Variants in LRP2 observed in about 807,000 individuals in gnomAD.
The protein encoded by LRP2 is low-density lipoprotein receptor-related protein 2.
LRP2 carries 172 observed loss-of-function variants against 531.0 expected under a neutral mutation model. The observed-to-expected ratio is 0.32, with a 90% CI of 0.29 to 0.37. The LOEUF is 0.37. Ranked by LOEUF, LRP2 falls within the 10% of genes least tolerant of loss-of-function variation. The probability of loss-of-function intolerance (pLI) is 1.00; values close to 1 mark genes in which losing one functional copy is unlikely to be tolerated. For synonymous variants in LRP2, 1,992 were observed against 2,027.6 expected (o/e 0.98, Z 0.47); for missense variants, 5,167 against 5,868.3 (o/e 0.88, Z 3.90).
intron 3 of LRP2, among the ~76,000 whole-genome samples, chr2:169,315,212 A>G (rs1684727050): frequency 6.6e-6 from 1 of 152,260 alleles, no homozygotes; most frequent in African/African-American, 2.4e-5. Flanking sequence ...ACCACACAGT[A>G]TAGCAATATG....
chr2:169,348,394 C>T (rs868207955), intron 1 of LRP2, among the ~76,000 whole-genome samples: 2 of 152,088 alleles, frequency 1.3e-5, no homozygotes, highest in Admixed American at 6.6e-5. Flanking sequence ...TTCGTCTGTG[C>T]CCATTTTTCC....
At chr2:169,357,355 A>G (rs899213894) in intron 1 of LRP2, among the ~76,000 whole-genome samples, 2 of 131,988 alleles carry the variant, frequency 1.5e-5, no homozygotes, top group African/African-American at 5.7e-5. Context: ...TTTTTGAGAC[A>G]GATTCTTGCT....
In LRP2 at chr2:169,279,448, C is replaced by A. The variant is rs1330376662; in HGVS notation, c.1489G>T (p.Asp497Tyr). The part of the protein sequence containing the change: ...KVNRIDMVNL[D>Y]GSYRVTLITE... ...ATAAGGGTAACCCGATAGCTTCCAT[C>A]CAAATTTACCATATCTATGCGGTTG... The change falls in exon 12 of 79, where the codon GAT (aspartate) becomes TAT (tyrosine). Residue 497 changes from aspartate to tyrosine, a missense_variant. Transcript: ENST00000649046. The A allele has an allele frequency of 5.0e-6, 8 of 1,613,990 alleles. No individual in the cohort carries two copies. In the African/African-American group the frequency reaches 1.1e-4, roughly 22 times the overall value.
At chr2:169,300,122 C>A (rs1684251423) in intron 4 of LRP2, among the ~76,000 whole-genome samples, 1 of 152,050 alleles carries the variant, frequency 6.6e-6, no homozygotes, top group Non-Finnish European at 1.5e-5. Flanking sequence ...ATTAATCAAT[C>A]CATACAAAAA....
chr2:169,232,072 T>G (rs1345010718), intron 30 of LRP2, among the ~76,000 whole-genome samples: 1 of 152,118 alleles, frequency 6.6e-6, no homozygotes, highest in African/African-American at 2.4e-5. Flanking sequence ...GAGAGGAGAA[T>G]GACTCAAGGT....
At chr2:169,270,306 CG>C (rs1208164346) in intron 16 of LRP2, among the ~76,000 whole-genome samples, 2 of 152,122 alleles carry the variant, frequency 1.3e-5, no homozygotes, top group Non-Finnish European at 1.5e-5. Context: ...CACATGCTCA[CG>C]TATGTTTATT....
At chr2:169,275,305 G>T in intron 13 of LRP2, 67 bp from the exon 14 acceptor site, 1 of 1,256,604 alleles carries the variant, frequency 8.0e-7, no homozygotes, top group Non-Finnish European at 1.2e-6. Flanking sequence ...TAAAGCTGTA[G>T]TTAGTTCAAT....
chr2:169,273,018 G>A lies in LRP2; in HGVS notation c.2025C>T (p.Val675=), dbSNP rs830994. Residue 675 remains valine, a synonymous_variant, in exon 15 of 79, where the codon GTC becomes GTT. Transcript: ENST00000649046. ...DNNGGCEQVC[V]LSHRTDNDGL... is the part of the protein sequence containing the mutation. ...CATCATTATCTGTTCTGTGGCTGAG[G>A]ACACAGACCTGCTCACAGCCCCCAT... 0.65 allele frequency: 1,043,351 copies of A among 1,613,364 alleles called. 341,782 individuals are homozygous for A. The highest frequency in any genetic ancestry group is 0.86 in the East Asian group (38,690 of 44,862).
At chr2:169,358,733 C>T (rs1035234690) in intron 1 of LRP2, among the ~76,000 whole-genome samples, 2 of 152,068 alleles carry the variant, frequency 1.3e-5, no homozygotes, top group African/African-American at 4.8e-5. Flanking sequence ...TGGCTCCTGC[C>T]TATAATGTCA....
At chr2:169,209,992 A>G (rs1050242783) in intron 37 of LRP2, among the ~76,000 whole-genome samples, 1 of 152,024 alleles carries the variant, frequency 6.6e-6, no homozygotes, top group Non-Finnish European at 1.5e-5. Flanking sequence ...CCACTAAAAC[A>G]TCAAAAGAAG....
intron 1 of LRP2, among the ~76,000 whole-genome samples, chr2:169,339,712 C>T (rs1004159911): frequency 2.0e-5 from 3 of 152,144 alleles, no homozygotes; most frequent in Admixed American, 6.5e-5. Flanking sequence ...TTAGTATCTA[C>T]AATTTTAAAA....
intron 70 of LRP2, among the ~76,000 whole-genome samples, chr2:169,144,125 T>TGGCCCAC (rs1206774471): frequency 6.6e-6 from 1 of 152,156 alleles, no homozygotes; most frequent in Non-Finnish European, 1.5e-5. Context: ...TCCTGGCCCA[T>TGGCCCAC]GGCCCACACT....
In LRP2 at chr2:169,327,422, G is replaced by A. The variant is rs575451171; in HGVS notation, c.80-6538C>T. 2.2e-3 allele frequency among the ~76,000 whole-genome samples: 265 copies of A among 121,366 alleles called. 4 individuals carry two copies. The highest frequency in any genetic ancestry group is 8.4e-3 in the African/African-American group (240 of 28,660). 79.6% of individuals were successfully genotyped at this position (121,366 alleles called of 152,430 possible). On this transcript the variant is annotated intron_variant, in intron 1 of 78. Coordinates refer to ENST00000649046, the MANE Select transcript of LRP2 (RefSeq NM_004525.3). Reference sequence around the variant, plus strand: ...GCCCCTCTGCCGGGCCAGCCACCCCGTCCGGGAGGGAGGTGGGGGGATCAG... The same window carrying A: ...GCCCCTCTGCCGGGCCAGCCACCCCATCCGGGAGGGAGGTGGGGGGATCAG...
chr2:169,181,883 A>C (rs531913975), intron 51 of LRP2, among the ~76,000 whole-genome samples: 13 of 152,360 alleles, frequency 8.5e-5, no homozygotes, highest in Non-Finnish European at 1.9e-4. Flanking sequence ...AGTCCAGTAA[A>C]GAAATCGGTT....
chr2:169,185,534 C>A lies in LRP2; in HGVS notation c.9814G>T (p.Ala3272Ser), dbSNP rs747410583. 2 of 1,613,566 alleles carry A rather than the reference C, an allele frequency of 1.2e-6. No homozygotes were observed. The highest frequency in any genetic ancestry group is 3.3e-5 in the Admixed American group (2 of 59,992). The stretch of plus-strand genomic sequence containing the variant: ...ACCCAGTCTACAGCCAGACTTTCTG[C>A]AGCTGGTAGTCTGTGGTTTATGATT... Reference protein sequence around the residue: ...ETIINHRLPAAESLAVDWVSR... With the variant: ...ETIINHRLPASESLAVDWVSR... Residue 3272 changes from alanine to serine, a missense_variant, in exon 50 of 79, where the codon GCA (alanine) becomes TCA (serine). Physicochemically the swap from Ala to Ser is moderately conservative, Grantham distance 99. Coordinates refer to ENST00000649046, the MANE Select transcript of LRP2 (RefSeq NM_004525.3).
At chr2:169,304,761 A>C (rs1483536048) in intron 4 of LRP2, among the ~76,000 whole-genome samples, 1 of 152,240 alleles carries the variant, frequency 6.6e-6, no homozygotes, top group Non-Finnish European at 1.5e-5. Context: ...AGACATATGC[A>C]CATGTATGTT....
intron 62 of LRP2, among the ~76,000 whole-genome samples, chr2:169,163,646 A>T (rs916677607): frequency 6.6e-6 from 1 of 152,198 alleles, no homozygotes; most frequent in African/African-American, 2.4e-5. Flanking sequence ...AAACAGATCA[A>T]ATGCCTGGTA....
Position 169,174,146 on chromosome 2 carries a change from G to A in LRP2, c.10787C>T (p.Ser3596Phe). ...RLLCENHHCDSNEWQCANKRC... is the reference protein window; with the variant it reads ...RLLCENHHCDFNEWQCANKRC... ...TTTGTTGGCGCACTGCCATTCATTG[G>A]AGTCACAGTGGTGATTCTCTGAGAG... Residue 3596 changes from serine to phenylalanine, a missense_variant, in exon 56 of 79, where the codon TCC (serine) becomes TTC (phenylalanine). Ser to Phe is a radical substitution (Grantham distance 155, BLOSUM62 -2). Transcript: ENST00000649046. 1 of 1,614,210 alleles carries A rather than the reference G, an allele frequency of 6.2e-7. No individual in the cohort carries two copies.
intron 1 of LRP2, among the ~76,000 whole-genome samples, chr2:169,338,705 G>A (rs1316606836): frequency 6.6e-6 from 1 of 152,182 alleles, no homozygotes; most frequent in Non-Finnish European, 1.5e-5. Context: ...TTCCACAGAA[G>A]GTTAAGAGAC....
Sources: allele counts gnomAD v4.1 joint callset (sites outside exome capture counted in the v4.1 genomes callset), GRCh38; gene constraint gnomAD v4.1.1; transcripts MANE v1.5; gene names NCBI Gene and HGNC (gene_info 2026-07-23, HGNC 2026-07-21).